The following CAPN9 variants were observed in gnomAD, a reference collection of about 807,000 sequenced individuals.
CAPN9 encodes the protein calpain-9.
A neutral mutation model predicts 92.8 loss-of-function variants in CAPN9; 81 were observed. That is an observed-to-expected ratio of 0.87 (90% CI 0.73 to 1.05). The LOEUF (loss-of-function observed/expected upper bound fraction) is 1.05, where lower values mean the gene tolerates loss of function less well. Among genes scored for constraint, CAPN9 ranks in the 50% least tolerant of loss-of-function variants. The pLI, the probability that CAPN9 is intolerant of heterozygous loss-of-function variation, is 0.00. For missense variants in CAPN9, 848 were observed against 866.2 expected, an observed-to-expected ratio of 0.98 and a Z score of 0.26; for synonymous variants, 304 against 328.0, an observed-to-expected ratio of 0.93 and a Z score of 0.79.
intron 15 of CAPN9, among the ~76,000 whole-genome samples, chr1:230,792,159 G>A (rs1198982174): frequency 6.6e-6 from 1 of 152,184 alleles, no homozygotes; most frequent in East Asian, 1.9e-4. Flanking sequence ...GAAGGGACTT[G>A]GGGGTCTTCT....
chr1:230,778,967 C>T lies in CAPN9; in HGVS notation c.954-6C>T. The T allele has an allele frequency of 6.2e-7, 1 of 1,612,566 alleles. No homozygotes were observed. The highest frequency in any genetic ancestry group is 1.7e-5 in the Admixed American group (1 of 59,948). On this transcript the variant is annotated splice_polypyrimidine_tract_variant and splice_region_variant and intron_variant, in intron 8 of 19. Transcript: ENST00000271971. ...CTGTGCATCGTGTCTCTCCGCTTTG[C>T]TGCAGGATGGCATTTAAGGACTTCA... is the stretch of plus-strand genomic sequence containing the variant.
rs577626261 is a variant in CAPN9 at position 230,777,683 on chromosome 1, C to A, written c.954-1290C>A. 2.6e-5 allele frequency among the ~76,000 whole-genome samples: 4 copies of A among 151,062 alleles called. No homozygotes were observed. In the East Asian group the frequency reaches 7.8e-4, roughly 30 times the overall value. On this transcript the variant is annotated intron_variant, in intron 8 of 19. Coordinates refer to ENST00000271971, the MANE Select transcript of CAPN9 (RefSeq NM_006615.3). ...TCAGCTATGAGTGTGCCCCACCACC[C>A]CACTAACCCTGATCTTGCCAGGGAC...
At chr1:230,767,136 G>T (rs1401253395) in intron 4 of CAPN9, among the ~76,000 whole-genome samples, 1 of 152,170 alleles carries the variant, frequency 6.6e-6, no homozygotes, top group African/African-American at 2.4e-5. Flanking sequence ...TCCATGGGAG[G>T]TTAGAGAGTG....
At chr1:230,774,739 C>CTTTCTTTCTTTCTT in intron 8 of CAPN9, 108 bp downstream of exon 8, 2 of 385,284 alleles carry the variant, frequency 5.2e-6, no homozygotes, top group Non-Finnish European at 9.2e-6. Flanking sequence ...TTCTTTCTTT[C>CTTTCTTTCTTTCTT]TTTTTTTTTT....
Position 230,795,280 on chromosome 1 carries a change from G to GT in CAPN9, c.1987+2dup, listed in dbSNP as rs1558120213. 6.3e-7 allele frequency: 1 copy of GT among 1,598,068 alleles called. No individual in the cohort carries two copies. Among genetic ancestry groups the GT allele is most frequent in the South Asian group, 1.1e-5 (1 of 90,596 alleles). ...CTGGTCCGGCTGGAGAATGCGAGCC[G>GT]TAAGTGTCCAGCGAGGCTGAGGGTG... On this transcript the variant is annotated splice_donor_variant, in intron 18 of 19. Transcript: ENST00000271971. LOFTEE classifies it high-confidence loss of function.
chr1:230,776,066 A>G (rs1483385364), intron 8 of CAPN9: 1 of 152,182 alleles, frequency 6.6e-6, no homozygotes, highest in Non-Finnish European at 1.5e-5. Flanking sequence ...CTATAAAAAA[A>G]TACCATAGAC....
intron 5 of CAPN9, among the ~76,000 whole-genome samples, chr1:230,768,964 G>A (rs1289245304): frequency 2.0e-5 from 3 of 152,216 alleles, no homozygotes; most frequent in East Asian, 1.9e-4. Flanking sequence ...CACTGGAAGC[G>A]AGCGCCTCCC....
In CAPN9 at chr1:230,801,602, C is replaced by T; in HGVS notation, c.*6C>T. 1.2e-6 allele frequency: 2 copies of T among 1,613,512 alleles called. No homozygotes were observed. The highest frequency in any genetic ancestry group is 2.2e-5 in the East Asian group (1 of 44,874). The stretch of plus-strand genomic sequence containing the variant: ...ATTTGACAATGAACATCTGAGGCTG[C>T]CTTGTAGAGATGCAGCCTGCCCAGC... On this transcript the variant is annotated 3_prime_UTR_variant, in exon 20 of 20. Coordinates refer to ENST00000271971, the MANE Select transcript of CAPN9 (RefSeq NM_006615.3).
At position 230,762,881 on chromosome 1, in the gene CAPN9, G is replaced by C. The variant is rs1665736468; in HGVS notation, c.536+95G>C. 3 of 1,339,760 alleles carry C rather than the reference G, an allele frequency of 2.2e-6. No individual in the cohort carries two copies. In the South Asian group the frequency reaches 4.5e-5, roughly 20 times the overall value. 83.0% of individuals were successfully genotyped at this position (1,339,760 alleles called of 1,614,324 possible). On this transcript the variant is annotated intron_variant, in intron 4 of 19. Coordinates refer to ENST00000271971, the MANE Select transcript of CAPN9 (RefSeq NM_006615.3). ...ATCTAAGGGCTGGGAAAAAATCAGGGCTCTGGGTTTGCAGGTGAGGCTCGG... is the reference window on the plus strand; with the variant it reads ...ATCTAAGGGCTGGGAAAAAATCAGGCCTCTGGGTTTGCAGGTGAGGCTCGG...
chr1:230,771,308 G>A (rs12124411), intron 6 of CAPN9, among the ~76,000 whole-genome samples: 41,507 of 152,078 alleles, frequency 0.27, 6,103 homozygotes, highest in Non-Finnish European at 0.34. Context: ...CTGGTTAGTT[G>A]ATAACTAGAA....
intron 19 of CAPN9, among the ~76,000 whole-genome samples, chr1:230,800,264 AAG>A (rs1313431123): frequency 5.2e-5 from 7 of 133,526 alleles, no homozygotes; most frequent in East Asian, 2.0e-4. Context: ...GAAAGAAAGA[AAG>A]AAAGAAAGAA....
At chr1:230,752,274 C>T (rs1005660465) in intron 1 of CAPN9, among the ~76,000 whole-genome samples, 2 of 152,182 alleles carry the variant, frequency 1.3e-5, no homozygotes, top group Non-Finnish European at 1.5e-5. Flanking sequence ...CTGCCCCTTC[C>T]ACACATGCGT....
intron 11 of CAPN9, 72 bp downstream of exon 11, chr1:230,780,780 C>A: frequency 8.1e-7 from 1 of 1,231,498 alleles, no homozygotes; most frequent in East Asian, 2.3e-5. Flanking sequence ...CACCTGGGAA[C>A]TGCTGGAGCC....
Position 230,767,749 on chromosome 1 carries a change from G to A in CAPN9, c.705+40G>A, listed in dbSNP as rs3828127. On this transcript the variant is annotated intron_variant, in intron 5 of 19. Transcript: ENST00000271971. Reference sequence around the variant, plus strand: ...GGCTCCCATTCCAGGCACTATGCTGGGGCTGCATAGTGCATTCCAGGCACT... The same window carrying A: ...GGCTCCCATTCCAGGCACTATGCTGAGGCTGCATAGTGCATTCCAGGCACT... 10,449 of 1,581,136 alleles carry A rather than the reference G, an allele frequency of 6.6e-3. 297 individuals carry two copies. In the East Asian group the frequency reaches 0.079, roughly 12 times the overall value.
At chr1:230,785,572 G>A (rs1334967634) in intron 11 of CAPN9, among the ~76,000 whole-genome samples, 4 of 152,162 alleles carry the variant, frequency 2.6e-5, no homozygotes, top group East Asian at 3.8e-4. Context: ...CTTTTTCCAT[G>A]TGACTTGCCT....
At chr1:230,773,378 G>C (rs551643552) in intron 7 of CAPN9, among the ~76,000 whole-genome samples, 3 of 152,320 alleles carry the variant, frequency 2.0e-5, no homozygotes, top group East Asian at 3.9e-4. Flanking sequence ...AAATTAGTGA[G>C]ACTGCGTCAC....
chr1:230,766,070 C>A (rs1349098351), intron 4 of CAPN9, among the ~76,000 whole-genome samples: 1 of 147,014 alleles, frequency 6.8e-6, no homozygotes, highest in Non-Finnish European at 1.5e-5. Context: ...CTTCCACTAA[C>A]CAATAGCCCC....
chr1:230,752,443 TCTC>T (rs763847706), intron 1 of CAPN9, among the ~76,000 whole-genome samples: 82 of 152,308 alleles, frequency 5.4e-4, no homozygotes, highest in Middle Eastern at 6.8e-3. Flanking sequence ...TTTGTATTTT[TCTC>T]CTCATTGGGT....
chr1:230,799,994 C>A (rs184978013), intron 19 of CAPN9, among the ~76,000 whole-genome samples: 1 of 151,658 alleles, frequency 6.6e-6, no homozygotes, highest in Admixed American at 6.6e-5. Context: ...CTGGCTAACA[C>A]GGTGAAACCC....
Sources: gnomAD v4.1 joint callset for allele counts (sites outside exome capture counted in the v4.1 genomes callset) on GRCh38, gnomAD v4.1.1 for gene constraint, MANE v1.5 for transcripts, NCBI Gene and HGNC (gene_info 2026-07-23, HGNC 2026-07-21) for gene names.